The following CERK variants were observed in gnomAD, a reference collection of about 807,000 sequenced individuals.
CERK encodes acylsphingosine kinase.
In CERK, 39 loss-of-function variants were observed where a neutral mutation model predicts 63.4. The ratio of observed to expected loss-of-function variants is 0.61; its 90% CI spans 0.48 to 0.80. CERK has a LOEUF of 0.80. CERK is among the 30% of genes least tolerant of loss of function. The probability of loss-of-function intolerance (pLI) is 0.00; values close to 1 mark genes in which losing one functional copy is unlikely to be tolerated. For missense variants in CERK, 670 were observed against 714.1 expected (o/e 0.94, Z 0.70); for synonymous variants, 302 against 280.0 (o/e 1.08, Z -0.78).
intron 6 of CERK, among the ~76,000 whole-genome samples, chr22:46,707,560 CG>C (rs2082819119): frequency 6.6e-6 from 1 of 152,210 alleles, no homozygotes; most frequent in East Asian, 1.9e-4. Flanking sequence ...TCCCGGGCAC[CG>C]GGGGTTCCCC....
At position 46,702,221 on chromosome 22, in the gene CERK, ATATGTGTGTGTGTG is replaced by A. The variant is rs1218196707; in HGVS notation, c.716-525_716-512del. Reference sequence around the variant, plus strand: ...GAGCCAAAAAGTTAAAAAAATATATATATGTGTGTGTGTGTGTGTGTGTGTGTGTGTGTGTGTGT... The same window carrying A: ...GAGCCAAAAAGTTAAAAAAATATATATGTGTGTGTGTGTGTGTGTGTGTGT... On this transcript the variant is annotated intron_variant, in intron 6 of 12. Coordinates refer to ENST00000216264, the MANE Select transcript of CERK (RefSeq NM_022766.6). 2.1e-3 allele frequency among the ~76,000 whole-genome samples: 243 copies of A among 113,378 alleles called. 2 individuals carry two copies. The highest frequency in any genetic ancestry group is 4.7e-3 in the South Asian group (16 of 3,434). 74.4% of individuals were successfully genotyped at this position (113,378 alleles called of 152,430 possible).
At chr22:46,698,175 C>G (rs528878334) in intron 8 of CERK, among the ~76,000 whole-genome samples, 6 of 152,256 alleles carry the variant, frequency 3.9e-5, no homozygotes, top group Non-Finnish European at 5.9e-5. Flanking sequence ...CTCTTTGTGC[C>G]TGTTTTCTCC....
intron 4 of CERK, 39 bp from the exon 5 acceptor site, chr22:46,711,188 T>A: frequency 2.0e-6 from 3 of 1,469,820 alleles, no homozygotes; most frequent in Non-Finnish European, 2.9e-6. Context: ...TATATTCACA[T>A]CTGTGAGTCC....
intron 1 of CERK, among the ~76,000 whole-genome samples, 177 bp from the exon 2 acceptor site, chr22:46,721,192 C>G (rs918936198): frequency 6.6e-6 from 1 of 152,078 alleles, no homozygotes; most frequent in Non-Finnish European, 1.5e-5. Flanking sequence ...GAGGGAGGAT[C>G]GCTTGAGCTC....
intron 1 of CERK, among the ~76,000 whole-genome samples, chr22:46,731,961 G>A (rs963067970): frequency 6.6e-6 from 1 of 152,174 alleles, no homozygotes. Context: ...AGCCGCCGGG[G>A]TGCTCCCTAA....
At chr22:46,704,940 GA>G (rs1382279033) in intron 6 of CERK, among the ~76,000 whole-genome samples, 1 of 152,162 alleles carries the variant, frequency 6.6e-6, no homozygotes, top group East Asian at 1.9e-4. Flanking sequence ...GAGGACCTGT[GA>G]AAAGCAGTGT....
At chr22:46,722,897 G>A (rs2082899561) in intron 1 of CERK, among the ~76,000 whole-genome samples, 1 of 152,218 alleles carries the variant, frequency 6.6e-6, no homozygotes, top group Non-Finnish European at 1.5e-5. Flanking sequence ...CAGGGTCAGG[G>A]TTCAGAGGAT....
At chr22:46,715,566 G>A (rs2082862402) in intron 3 of CERK, among the ~76,000 whole-genome samples, 1 of 152,186 alleles carries the variant, frequency 6.6e-6, no homozygotes, top group African/African-American at 2.4e-5. Context: ...CGTGCCTGTA[G>A]TCCCAGCTAC....
rs60804134 is a variant in CERK, at chr22:46,732,585, C to CT, written c.142+5421dup. ...GGAATTGTTGGGTCAAAGGATATCA[C>CT]TTTTTTTTTTTTTTTTTACAGTTTG... On this transcript the variant is annotated intron_variant, in intron 1 of 12. Coordinates refer to ENST00000216264, the MANE Select transcript of CERK (RefSeq NM_022766.6). 2.4e-3 allele frequency among the ~76,000 whole-genome samples: 341 copies of CT among 141,666 alleles called. 1 individual carries two copies. The highest frequency in any genetic ancestry group is 0.011 in the Middle Eastern group (3 of 272). 92.9% of individuals were successfully genotyped at this position (141,666 alleles called of 152,430 possible).
At chr22:46,725,004 G>A (rs2082911386) in intron 1 of CERK, among the ~76,000 whole-genome samples, 1 of 151,762 alleles carries the variant, frequency 6.6e-6, no homozygotes, top group African/African-American at 2.4e-5. Context: ...CTGGGCGAAA[G>A]ACAGCAAAAC....
intron 3 of CERK, among the ~76,000 whole-genome samples, chr22:46,713,269 C>G (rs1239087287): frequency 6.6e-6 from 1 of 151,834 alleles, no homozygotes; most frequent in Non-Finnish European, 1.5e-5. Flanking sequence ...CTTTGGGAGG[C>G]CGAGGTGGGC....
chr22:46,699,512 C>A (rs6007953), intron 7 of CERK, 47 bp from the exon 8 acceptor site: 12 of 1,600,590 alleles, frequency 7.5e-6, no homozygotes, highest in Non-Finnish European at 6.8e-6. Context: ...CCTCCAGCCC[C>A]GCCCCATCCA....
chr22:46,700,565 T>C (rs1453743729), intron 7 of CERK, among the ~76,000 whole-genome samples: 7 of 151,976 alleles, frequency 4.6e-5, no homozygotes, highest in Admixed American at 4.6e-4. Flanking sequence ...ACACAAAAAT[T>C]AGCCAGGTGT....
At chr22:46,719,680 A>G (rs2082882502) in intron 3 of CERK, among the ~76,000 whole-genome samples, 1 of 152,226 alleles carries the variant, frequency 6.6e-6, no homozygotes, top group South Asian at 2.1e-4. Context: ...TTGAAAAAGA[A>G]AAGAAAAGAA....
At chr22:46,703,639 C>G (rs1303259698) in intron 6 of CERK, among the ~76,000 whole-genome samples, 4 of 152,204 alleles carry the variant, frequency 2.6e-5, no homozygotes, top group Non-Finnish European at 4.4e-5. Context: ...CCACACAGCC[C>G]CCCACCAGCT....
At chr22:46,730,499 A>G (rs1238159860) in intron 1 of CERK, among the ~76,000 whole-genome samples, 1 of 152,244 alleles carries the variant, frequency 6.6e-6, no homozygotes, top group Non-Finnish European at 1.5e-5. Context: ...AAAGTACAGT[A>G]TCTGAAATTT....
At chr22:46,716,031 T>G (rs1460039892) in intron 3 of CERK, among the ~76,000 whole-genome samples, 1 of 151,246 alleles carries the variant, frequency 6.6e-6, no homozygotes, top group African/African-American at 2.4e-5. Flanking sequence ...ATGAAAAAAT[T>G]TTCAAAAAAT....
intron 1 of CERK, among the ~76,000 whole-genome samples, chr22:46,721,569 C>T (rs989014504): frequency 6.6e-6 from 1 of 152,158 alleles, no homozygotes; most frequent in South Asian, 2.1e-4. Flanking sequence ...ATTTTTCACA[C>T]GATTTGCTCA....
chr22:46,716,029 A>T (rs906074262), intron 3 of CERK, among the ~76,000 whole-genome samples: 35 of 151,582 alleles, frequency 2.3e-4, no homozygotes, highest in Admixed American at 2.2e-3. Flanking sequence ...CTATGAAAAA[A>T]TTTTCAAAAA....
Sources: allele counts gnomAD v4.1 joint callset (sites outside exome capture counted in the v4.1 genomes callset), GRCh38; gene constraint gnomAD v4.1.1; transcripts MANE v1.5; gene names NCBI Gene and HGNC (gene_info 2026-07-23, HGNC 2026-07-21).